ACBD6: variants seen among roughly 807,000 people sequenced by gnomAD.
The protein encoded by ACBD6 is acyl-CoA-binding domain-containing protein 6.
Under a neutral mutation model 37.2 loss-of-function variants are expected in ACBD6, and 28 were observed. That is an observed-to-expected ratio of 0.75 (90% CI 0.56 to 1.03). The LOEUF is 1.03. Among genes scored for constraint, ACBD6 ranks in the 50% least tolerant of loss-of-function variants. ACBD6 has a pLI of 0.00. For synonymous variants in ACBD6, 113 were observed against 126.8 expected (o/e 0.89, Z 0.73); for missense variants, 340 against 337.4 (o/e 1.01, Z -0.06).
intron 3 of ACBD6, among the ~76,000 whole-genome samples, chr1:180,442,182 C>T (rs1346860727): frequency 6.6e-6 from 1 of 152,144 alleles, no homozygotes; most frequent in East Asian, 1.9e-4. Context: ...TTTTCACTGG[C>T]TTTCAACAAT....
chr1:180,331,167 C>A (rs1007711935), intron 6 of ACBD6, among the ~76,000 whole-genome samples: 4 of 152,186 alleles, frequency 2.6e-5, no homozygotes, highest in African/African-American at 9.7e-5. Context: ...TAGGGTCACA[C>A]AAGGGGTATG....
chr1:180,431,590 G>A (rs1006632952), intron 3 of ACBD6, among the ~76,000 whole-genome samples: 1 of 152,138 alleles, frequency 6.6e-6, no homozygotes, highest in African/African-American at 2.4e-5. Flanking sequence ...ACTTATAATA[G>A]ATTTACCAGT....
intron 12 of ACBD6, chr1:180,273,036 A>G (rs115230597): frequency 0.093 from 14,172 of 152,210 alleles, 872 homozygotes; most frequent in Admixed American, 0.19. Context: ...TGCTCCCTTT[A>G]AAGAGCATGA....
At chr1:180,357,441 T>C (rs937501695) in intron 6 of ACBD6, among the ~76,000 whole-genome samples, 1 of 152,304 alleles carries the variant, frequency 6.6e-6, no homozygotes, top group East Asian at 1.9e-4. Context: ...ATTGTTCAAT[T>C]TGGATAATAA....
intron 3 of ACBD6, among the ~76,000 whole-genome samples, chr1:180,440,879 T>A (rs1229639662): frequency 6.6e-6 from 1 of 152,228 alleles, no homozygotes; most frequent in Non-Finnish European, 1.5e-5. Context: ...ATGTATCGGT[T>A]CTTCATTCCT....
At chr1:180,483,111 C>G (rs1450195818) in intron 3 of ACBD6, among the ~76,000 whole-genome samples, 1 of 152,138 alleles carries the variant, frequency 6.6e-6, no homozygotes, top group African/African-American at 2.4e-5. Flanking sequence ...TTCTATTTCT[C>G]CACCCCTCGT....
intron 9 of ACBD6, among the ~76,000 whole-genome samples, chr1:180,279,445 C>T (rs572776427): frequency 1.3e-5 from 2 of 152,032 alleles, no homozygotes; most frequent in Non-Finnish European, 2.9e-5. Context: ...TACAGGCATG[C>T]GCAAACACGC....
chr1:180,398,938 A>T (rs1654366247), intron 5 of ACBD6, among the ~76,000 whole-genome samples: 1 of 152,222 alleles, frequency 6.6e-6, no homozygotes, highest in Non-Finnish European at 1.5e-5. Flanking sequence ...TTCAAGAAAT[A>T]GCTTTTCTAA....
At position 180,435,716 on chromosome 1, in the gene ACBD6, G is replaced by A. The variant is rs529284778; in HGVS notation, c.385-5454C>T. On this transcript the variant is annotated intron_variant, in intron 3 of 7. Coordinates refer to ENST00000367595, the MANE Select transcript of ACBD6 (RefSeq NM_032360.4). The stretch of plus-strand genomic sequence containing the variant: ...GAAGTTAGAGACCGCTGTCAATCTC[G>A]CCTGGACAGCAGGAAACAGTAACAC... 5.1e-4 allele frequency: 438 copies of A among 852,318 alleles called. 2 individuals are homozygous for A. The East Asian group carries it at 9.6e-3, about 19-fold the overall frequency. 52.8% of individuals were successfully genotyped at this position (852,318 alleles called of 1,614,324 possible). A position where few individuals can be genotyped will look rare whatever the true frequency, so the allele number is the denominator to read the frequency against.
chr1:180,366,867 C>T (rs939371426), intron 6 of ACBD6, among the ~76,000 whole-genome samples: 2 of 152,034 alleles, frequency 1.3e-5, no homozygotes, highest in African/African-American at 2.4e-5. Flanking sequence ...TCTAGAAGCA[C>T]TGAGTCAGTA....
intron 6 of ACBD6, among the ~76,000 whole-genome samples, chr1:180,346,735 A>T (rs1652194352): frequency 1.3e-5 from 2 of 152,326 alleles, no homozygotes; most frequent in Non-Finnish European, 1.5e-5. Context: ...TTTATTATGC[A>T]GCAATAGAAA....
chr1:180,321,375 T>G (rs1651063727), intron 6 of ACBD6, among the ~76,000 whole-genome samples: 1 of 152,206 alleles, frequency 6.6e-6, no homozygotes, highest in Non-Finnish European at 1.5e-5. Context: ...ATAGATTACT[T>G]TGGGTAGTAT....
intron 3 of ACBD6, among the ~76,000 whole-genome samples, chr1:180,491,328 C>A (rs1651495322): frequency 6.6e-6 from 1 of 152,084 alleles, no homozygotes; most frequent in Admixed American, 6.5e-5. Flanking sequence ...CACTGAAATA[C>A]CTGTTAATCA....
chr1:180,466,316 A>G lies in ACBD6; in HGVS notation c.384+25953T>C, dbSNP rs72716612. Among the ~76,000 whole-genome samples the G allele has an allele frequency of 4.0e-3, 609 of 152,314 alleles. 2 individuals carry two copies. Among genetic ancestry groups the G allele is most frequent in the Non-Finnish European group, 5.6e-3 (383 of 68,028 alleles). On this transcript the variant is annotated intron_variant, in intron 3 of 7. Transcript: ENST00000367595. ...AGTGTTAAAGCAACAAACCAACAAC[A>G]TAAAATTGAAATGTAAACATAACAT...
chr1:180,366,636 A>T (rs1016609901), intron 6 of ACBD6, among the ~76,000 whole-genome samples: 2 of 152,184 alleles, frequency 1.3e-5, no homozygotes, highest in Non-Finnish European at 2.9e-5. Flanking sequence ...TCATTCTCAG[A>T]TATAAACTTA....
chr1:180,288,511 G>A lies in ACBD6; in HGVS notation c.701C>T (p.Ala234Val), dbSNP rs201534963. The change falls in exon 8 of 8, where the codon GCC becomes GTC. Residue 234 changes from alanine to valine, a missense_variant. Coordinates refer to ENST00000367595, the MANE Select transcript of ACBD6 (RefSeq NM_032360.4). Reference sequence around the variant, plus strand: ...CTCTACAATATCCAGAAACTCACAGGCAGAGGCTGAAAGGAAAATTGACAA... The same window carrying A: ...CTCTACAATATCCAGAAACTCACAGACAGAGGCTGAAAGGAAAATTGACAA... ...EGQTALHYAS[A>V]CEFLDIVELL... The A allele has an allele frequency of 4.0e-5, 64 of 1,612,916 alleles. No individual in the cohort carries two copies. In the East Asian group the frequency reaches 1.2e-3, roughly 31 times the overall value.
chr1:180,279,837 A>G (rs1649254920), intron 9 of ACBD6, among the ~76,000 whole-genome samples: 1 of 151,486 alleles, frequency 6.6e-6, no homozygotes, highest in South Asian at 2.1e-4. Flanking sequence ...TTTTCATTAC[A>G]TTAAAAAAAA....
intron 6 of ACBD6, among the ~76,000 whole-genome samples, chr1:180,381,837 G>C (rs996482302): frequency 4.6e-5 from 7 of 152,160 alleles, no homozygotes; most frequent in African/African-American, 1.7e-4. Flanking sequence ...CCCAGGTGCA[G>C]TGGCTCAGGC....
chr1:180,308,796 C>T (rs544096034), intron 7 of ACBD6, among the ~76,000 whole-genome samples: 14 of 152,226 alleles, frequency 9.2e-5, no homozygotes, highest in East Asian at 5.8e-4. Context: ...ACCCATTTAC[C>T]GCTATAGATA....
Sources: allele counts gnomAD v4.1 joint callset (sites outside exome capture counted in the v4.1 genomes callset), GRCh38; gene constraint gnomAD v4.1.1; transcripts MANE v1.5; gene names NCBI Gene and HGNC (gene_info 2026-07-23, HGNC 2026-07-21).